The following SLC14A2 variants were observed in gnomAD, a reference collection of about 807,000 sequenced individuals.
SLC14A2 encodes solute carrier family 14 member 2.
In SLC14A2, 91 loss-of-function variants were observed where a neutral mutation model predicts 104.6. The observed-to-expected ratio is 0.87, with a 90% confidence interval of 0.73 to 1.04. The LOEUF (loss-of-function observed/expected upper bound fraction) is 1.04, where lower values mean the gene tolerates loss of function less well. Ranked by LOEUF, SLC14A2 falls within the 50% of genes least tolerant of loss-of-function variation. SLC14A2 has a pLI of 0.00. For missense variants in SLC14A2, 1,189 were observed against 1,156.0 expected, an observed-to-expected ratio of 1.03 and a Z score of -0.41; for synonymous variants, 476 against 466.4, an observed-to-expected ratio of 1.02 and a Z score of -0.27.
At chr18:45,447,250 C>T (rs556151900) in intron 1 of SLC14A2, 2 of 152,268 alleles carry the variant, frequency 1.3e-5, no homozygotes, top group South Asian at 4.1e-4. Flanking sequence ...TTGATGACAA[C>T]CTTACCTGGC....
chr18:45,444,501 G>A (rs535172555), intron 1 of SLC14A2, among the ~76,000 whole-genome samples: 22 of 152,320 alleles, frequency 1.4e-4, no homozygotes, highest in South Asian at 6.2e-4. Context: ...GTTTTCAGAA[G>A]GGGGAAAATA....
At chr18:45,240,091 CTT>C (rs763802776) in intron 1 of SLC14A2, among the ~76,000 whole-genome samples, 2,366 of 89,340 alleles carry the variant, frequency 0.026, 22 homozygotes, top group African/African-American at 0.095. Context: ...GCAAATATCT[CTT>C]TTTTTTTTTT....
At chr18:45,540,053 TCTTTC>T (rs1382898306) in intron 2 of SLC14A2, among the ~76,000 whole-genome samples, 1 of 151,780 alleles carries the variant, frequency 6.6e-6, no homozygotes, top group African/African-American at 2.4e-5. Flanking sequence ...TATAATGAGG[TCTTTC>T]CTTTCCTTTC....
intron 10 of SLC14A2, among the ~76,000 whole-genome samples, chr18:45,650,778 T>C (rs1363087807): frequency 6.6e-6 from 1 of 152,134 alleles, no homozygotes; most frequent in African/African-American, 2.4e-5. Flanking sequence ...TTGTTCTTGT[T>C]GCCCAGGCTG....
chr18:45,316,596 A>G (rs918056042), intron 1 of SLC14A2, among the ~76,000 whole-genome samples: 19 of 152,216 alleles, frequency 1.2e-4, no homozygotes, highest in African/African-American at 4.6e-4. Flanking sequence ...TAGACTTCTC[A>G]TGATGCGTGG....
chr18:45,302,865 A>T (rs1234193360), intron 1 of SLC14A2, among the ~76,000 whole-genome samples: 1 of 152,200 alleles, frequency 6.6e-6, no homozygotes, highest in Non-Finnish European at 1.5e-5. Flanking sequence ...TCCAAATTGC[A>T]TTAACCAGCC....
intron 1 of SLC14A2, among the ~76,000 whole-genome samples, chr18:45,336,023 CTGT>C (rs1459500950): frequency 6.6e-6 from 1 of 152,110 alleles, no homozygotes; most frequent in Non-Finnish European, 1.5e-5. Context: ...ATGAGAGAGG[CTGT>C]AACTTTGGAA....
At chr18:45,538,109 C>T (rs74838760) in intron 2 of SLC14A2, among the ~76,000 whole-genome samples, 5,695 of 152,250 alleles carry the variant, frequency 0.037, 341 homozygotes, top group African/African-American at 0.13. Flanking sequence ...AGCTCAGTGC[C>T]CTTCCATGCA....
rs759673860 is a variant in SLC14A2, at chr18:45,643,191, G to T, written c.1176+10G>T. The T allele has an allele frequency of 1.4e-5, 23 of 1,612,562 alleles. No individual in the cohort carries two copies. The Admixed American group carries it at 2.0e-4, about 14-fold the overall frequency. On this transcript the variant is annotated intron_variant, in intron 9 of 19. Transcript: ENST00000255226. Reference sequence around the variant, plus strand: ...CAACATCATGTCAGTGGTAAGTGTGGATTCTCCTGAACACTACCCCAAAGT... The same window carrying T: ...CAACATCATGTCAGTGGTAAGTGTGTATTCTCCTGAACACTACCCCAAAGT...
intron 1 of SLC14A2, among the ~76,000 whole-genome samples, chr18:45,425,444 T>C (rs994588753): frequency 1.3e-5 from 2 of 152,164 alleles, no homozygotes; most frequent in Non-Finnish European, 2.9e-5. Flanking sequence ...GCACCATGAT[T>C]CTGCATGCTC....
chr18:45,279,799 C>G (rs568038310), intron 1 of SLC14A2, among the ~76,000 whole-genome samples: 2 of 152,178 alleles, frequency 1.3e-5, no homozygotes, highest in African/African-American at 4.8e-5. Flanking sequence ...AAACACAAAG[C>G]GACCCATGAG....
chr18:45,430,087 G>A (rs933113582), intron 1 of SLC14A2, among the ~76,000 whole-genome samples: 4 of 152,178 alleles, frequency 2.6e-5, no homozygotes, highest in Admixed American at 2.0e-4. Context: ...GTCTTTCTTG[G>A]CAACTTCCTT....
chr18:45,635,541 T>C (rs2045405599), intron 5 of SLC14A2, among the ~76,000 whole-genome samples: 1 of 152,204 alleles, frequency 6.6e-6, no homozygotes, highest in Non-Finnish European at 1.5e-5. Context: ...ATAGATGCCA[T>C]TGGTGAAATG....
intron 1 of SLC14A2, among the ~76,000 whole-genome samples, chr18:45,309,388 A>G (rs2085055589): frequency 2.0e-5 from 3 of 151,190 alleles, no homozygotes; most frequent in Non-Finnish European, 4.4e-5. Flanking sequence ...GGAGTGGTGC[A>G]ATCATAGCCA....
At chr18:45,351,034 G>T (rs571705774) in intron 1 of SLC14A2, among the ~76,000 whole-genome samples, 3 of 152,074 alleles carry the variant, frequency 2.0e-5, no homozygotes, top group South Asian at 2.1e-4. Flanking sequence ...ACTCCACACC[G>T]TCTCTCCCTT....
rs199504040 is a variant in SLC14A2, at chr18:45,253,597, TCAG to T, written c.-125+40411_-125+40413del. Among the ~76,000 whole-genome samples, 467 of 152,164 alleles carry T rather than the reference TCAG, an allele frequency of 3.1e-3. 6 individuals carry two copies. The highest frequency in any genetic ancestry group is 8.3e-4 in the South Asian group (4 of 4,810). On this transcript the variant is annotated intron_variant, in intron 1 of 20. Coordinates refer to the SLC14A2 transcript ENST00000586448. ...TTTGGTGAGCATGCATGATTTTCCA[TCAG>T]CAGCTGTTAGGAGGATAATCAAGGA...
intron 1 of SLC14A2, among the ~76,000 whole-genome samples, chr18:45,440,785 A>C (rs763540436): frequency 6.6e-6 from 1 of 152,224 alleles, no homozygotes; most frequent in Non-Finnish European, 1.5e-5. Context: ...ACACAGAGAC[A>C]TTATGCAATA....
At chr18:45,619,432 G>A (rs1053259530) in intron 1 of SLC14A2, among the ~76,000 whole-genome samples, 16 of 152,230 alleles carry the variant, frequency 1.1e-4, no homozygotes, top group East Asian at 5.8e-4. Flanking sequence ...ACAGGCGAAC[G>A]GTAGATATTC....
At chr18:45,508,387 T>C (rs1231187164) in intron 2 of SLC14A2, among the ~76,000 whole-genome samples, 1 of 152,226 alleles carries the variant, frequency 6.6e-6, no homozygotes, top group Non-Finnish European at 1.5e-5. Flanking sequence ...CTTGTGATAG[T>C]GAATAAGTCT....
Sources: allele counts gnomAD v4.1 joint callset (sites outside exome capture counted in the v4.1 genomes callset), GRCh38; gene constraint gnomAD v4.1.1; transcripts MANE v1.5; gene names NCBI Gene and HGNC (gene_info 2026-07-23, HGNC 2026-07-21).